Variants in SLC35F4 observed in about 807,000 individuals in gnomAD.
SLC35F4 encodes the protein solute carrier family 35 member F4.
In SLC35F4, 24 loss-of-function variants were observed where a neutral mutation model predicts 44.2. That is an observed-to-expected ratio of 0.54 (90% CI 0.39 to 0.76). The LOEUF (loss-of-function observed/expected upper bound fraction) is 0.76. Ranked by LOEUF, SLC35F4 falls within the 30% of genes least tolerant of loss-of-function variation. SLC35F4 has a pLI of 0.00. For synonymous variants in SLC35F4, 238 were observed against 223.6 expected (o/e 1.06, Z -0.57); for missense variants, 562 against 586.1 (o/e 0.96, Z 0.42).
chr14:57,641,770 G>T (rs960552389), intron 1 of SLC35F4, among the ~76,000 whole-genome samples: 1 of 151,996 alleles, frequency 6.6e-6, no homozygotes, highest in African/African-American at 2.4e-5. Flanking sequence ...AGAATACTTT[G>T]TATTAATAGG....
intron 1 of SLC35F4, among the ~76,000 whole-genome samples, chr14:57,773,099 A>G (rs2077407422): frequency 6.6e-6 from 1 of 152,124 alleles, no homozygotes; most frequent in South Asian, 2.1e-4. Flanking sequence ...GGTGATGTTG[A>G]GCATTTTTTC....
downstream of SLC35F4, among the ~76,000 whole-genome samples, chr14:57,975,037 A>T (rs772270958): frequency 3.9e-5 from 6 of 152,238 alleles, no homozygotes; most frequent in Non-Finnish European, 8.8e-5. Context: ...AGATTCTCAA[A>T]GTAAATAACT....
chr14:57,816,648 A>G (rs1882630756), intron 1 of SLC35F4, among the ~76,000 whole-genome samples: 2 of 152,252 alleles, frequency 1.3e-5, no homozygotes, highest in Admixed American at 1.3e-4. Context: ...TGAGAAGCAG[A>G]GCTAAGAATG....
At chr14:57,951,889 G>C (rs188482517) in intron 1 of SLC35F4, among the ~76,000 whole-genome samples, 1 of 152,318 alleles carries the variant, frequency 6.6e-6, no homozygotes, top group East Asian at 1.9e-4. Context: ...CTGCCTGCCA[G>C]CTCTGAAGAG....
intron 1 of SLC35F4, among the ~76,000 whole-genome samples, chr14:57,872,269 T>C (rs184892682): frequency 1.3e-5 from 2 of 152,354 alleles, no homozygotes; most frequent in Admixed American, 6.5e-5. Context: ...GTATCTGTGA[T>C]TCCCATCAGT....
chr14:57,723,113 G>A (rs983120931), intron 1 of SLC35F4, among the ~76,000 whole-genome samples: 6 of 152,094 alleles, frequency 3.9e-5, no homozygotes, highest in African/African-American at 1.4e-4. Context: ...ACATCATTGT[G>A]GTCCTCCAGT....
chr14:57,812,330 C>T (rs952054695), intron 1 of SLC35F4, among the ~76,000 whole-genome samples: 1 of 152,184 alleles, frequency 6.6e-6, no homozygotes, highest in East Asian at 1.9e-4. Flanking sequence ...TGAGGCCACT[C>T]GGTATCCACC....
intron 3 of SLC35F4, among the ~76,000 whole-genome samples, chr14:57,588,290 AT>A (rs2069920535): frequency 6.6e-6 from 1 of 152,168 alleles, no homozygotes; most frequent in South Asian, 2.1e-4. Flanking sequence ...AGACAAATTT[AT>A]TCTGCTGAGG....
chr14:57,636,276 AC>A (rs2073013054), intron 1 of SLC35F4, among the ~76,000 whole-genome samples: 1 of 152,160 alleles, frequency 6.6e-6, no homozygotes, highest in African/African-American at 2.4e-5. Context: ...GGATTTGATT[AC>A]TAAACATGTA....
chr14:57,702,444 T>A (rs1235151522), intron 1 of SLC35F4, among the ~76,000 whole-genome samples: 4 of 152,122 alleles, frequency 2.6e-5, no homozygotes, highest in African/African-American at 9.7e-5. Flanking sequence ...TCTGTTACAG[T>A]TGTGACTTGA....
intron 1 of SLC35F4, among the ~76,000 whole-genome samples, chr14:57,876,159 G>A (rs1053074421): frequency 6.6e-6 from 1 of 152,162 alleles, no homozygotes; most frequent in Non-Finnish European, 1.5e-5. Context: ...TGCTGGGTCT[G>A]CATAATGTTG....
At chr14:57,621,316 A>G (rs1483572655) in intron 1 of SLC35F4, among the ~76,000 whole-genome samples, 1 of 151,030 alleles carries the variant, frequency 6.6e-6, no homozygotes, top group Non-Finnish European at 1.5e-5. Flanking sequence ...GGAAAAAACT[A>G]CTTTAAAGTT....
intron 1 of SLC35F4, among the ~76,000 whole-genome samples, chr14:57,712,462 C>T (rs1402798555): frequency 2.0e-5 from 3 of 152,182 alleles, no homozygotes; most frequent in South Asian, 2.1e-4. Flanking sequence ...AAACCTAATA[C>T]ATTGGCTACT....
chr14:57,874,656 C>T (rs1429023890), intron 1 of SLC35F4, among the ~76,000 whole-genome samples: 7 of 152,152 alleles, frequency 4.6e-5, no homozygotes, highest in African/African-American at 1.7e-4. Flanking sequence ...CTGTGCAATG[C>T]CATCTTCGGC....
intron 1 of SLC35F4, among the ~76,000 whole-genome samples, chr14:57,736,333 A>G (rs2076463229): frequency 6.6e-6 from 1 of 152,222 alleles, no homozygotes; most frequent in Non-Finnish European, 1.5e-5. Flanking sequence ...TCCCCTCCAC[A>G]GTAACTTTTT....
Position 57,950,825 on chromosome 14 carries a change from C to G in SLC35F4, n.282+31088G>C, listed in dbSNP as rs368845265. 8.9e-4 allele frequency among the ~76,000 whole-genome samples: 135 copies of G among 152,116 alleles called. 3 individuals carry two copies. The South Asian group carries it at 0.028, about 31-fold the overall frequency. On this transcript the variant is annotated intron_variant and non_coding_transcript_variant, in intron 1 of 1. Coordinates refer to the SLC35F4 transcript ENST00000556568. Reference sequence around the variant, plus strand: ...CTGGGACTACAGGTGCCTGCCACCACGCCAGGCTAATTTGTAGTTTTAGTA... The same window carrying G: ...CTGGGACTACAGGTGCCTGCCACCAGGCCAGGCTAATTTGTAGTTTTAGTA...
chr14:57,792,464 G>A (rs1396893030), intron 1 of SLC35F4, among the ~76,000 whole-genome samples: 1 of 152,170 alleles, frequency 6.6e-6, no homozygotes, highest in African/African-American at 2.4e-5. Context: ...GCACATACAT[G>A]TTTATAGCAG....
In SLC35F4 at chr14:57,839,206, A is replaced by G. The variant is rs17093755; in HGVS notation, c.103+26517T>C. 0.016 allele frequency among the ~76,000 whole-genome samples: 2,495 copies of G among 152,242 alleles called. 299 individuals are homozygous for G. The East Asian group carries it at 0.33, about 20-fold the overall frequency. On this transcript the variant is annotated intron_variant, in intron 1 of 7. Transcript: ENST00000556826. ...CAAAGCCCAGGTTCATTATTCACCA[A>G]TATTTCTCTGTTCCTGTTCAGCACC...
chr14:57,784,790 C>T (rs549335806), intron 1 of SLC35F4, among the ~76,000 whole-genome samples: 1 of 152,280 alleles, frequency 6.6e-6, no homozygotes, highest in African/African-American at 2.4e-5. Flanking sequence ...CTTGCCTCCC[C>T]TTCCACCTCT....
Sources: gnomAD v4.1 joint callset for allele counts (sites outside exome capture counted in the v4.1 genomes callset) on GRCh38, gnomAD v4.1.1 for gene constraint, MANE v1.5 for transcripts, NCBI Gene and HGNC (gene_info 2026-07-23, HGNC 2026-07-21) for gene names.